The following PRKG1 variants were observed in gnomAD, a reference collection of about 807,000 sequenced individuals.
PRKG1 encodes protein kinase cGMP-dependent 1.
PRKG1 carries 35 observed loss-of-function variants against 88.1 expected under a neutral mutation model. That is an observed-to-expected ratio of 0.40 (90% CI 0.30 to 0.53). PRKG1 has a LOEUF of 0.53. Ranked by LOEUF, PRKG1 falls within the 20% of genes least tolerant of loss-of-function variation. The probability of loss-of-function intolerance (pLI) is 0.59; values close to 1 mark genes in which losing one functional copy is unlikely to be tolerated. For synonymous variants in PRKG1, 303 were observed against 292.5 expected (o/e 1.04, Z -0.37); for missense variants, 540 against 839.8 (o/e 0.64, Z 4.41).
At chr10:51,147,446 A>G (rs1453537551) in intron 1 of PRKG1, among the ~76,000 whole-genome samples, 1 of 152,134 alleles carries the variant, frequency 6.6e-6, no homozygotes, top group African/African-American at 2.4e-5. Context: ...AAGGAAAAAA[A>G]AAACGAAGGA....
chr10:51,361,134 A>G (rs1185766081), intron 2 of PRKG1, among the ~76,000 whole-genome samples: 1 of 151,900 alleles, frequency 6.6e-6, no homozygotes, highest in Admixed American at 6.6e-5. Context: ...AAATGTATAG[A>G]CAATTTTTTG....
chr10:51,265,485 G>T (rs192717960), intron 2 of PRKG1, among the ~76,000 whole-genome samples: 1 of 152,010 alleles, frequency 6.6e-6, no homozygotes, highest in Non-Finnish European at 1.5e-5. Flanking sequence ...GCTAAATCTG[G>T]CAACCCCCTT....
chr10:51,999,968 A>C (rs545061881), intron 5 of PRKG1, among the ~76,000 whole-genome samples: 41 of 152,262 alleles, frequency 2.7e-4, no homozygotes, highest in Non-Finnish European at 4.7e-4. Flanking sequence ...ATATTAGTCC[A>C]ATAAAAGGTT....
At chr10:51,288,656 A>G (rs1463771747) in intron 2 of PRKG1, among the ~76,000 whole-genome samples, 1 of 152,198 alleles carries the variant, frequency 6.6e-6, no homozygotes, top group Non-Finnish European at 1.5e-5. Flanking sequence ...AAAATATTTA[A>G]CTGCTTATAC....
chr10:52,040,690 C>T (rs1845733452), intron 5 of PRKG1, among the ~76,000 whole-genome samples: 1 of 152,128 alleles, frequency 6.6e-6, no homozygotes, highest in South Asian at 2.1e-4. Context: ...GCTAATTGCT[C>T]TGGCTAGGAC....
chr10:52,062,321 A>G (rs1266165301), intron 6 of PRKG1, among the ~76,000 whole-genome samples: 1 of 152,208 alleles, frequency 6.6e-6, no homozygotes, highest in African/African-American at 2.4e-5. Flanking sequence ...TCTTTAAAAT[A>G]ACTTGAAAGG....
chr10:52,076,514 G>A (rs1298189654), intron 7 of PRKG1, among the ~76,000 whole-genome samples: 1 of 152,198 alleles, frequency 6.6e-6, no homozygotes, highest in Non-Finnish European at 1.5e-5. Context: ...CTGAGACCAT[G>A]CCACTGCACT....
intron 7 of PRKG1, among the ~76,000 whole-genome samples, chr10:52,112,806 T>A (rs533307303): frequency 6.6e-6 from 1 of 152,240 alleles, no homozygotes; most frequent in East Asian, 1.9e-4. Context: ...TATCAAAGGC[T>A]CACCTGATAA....
chr10:51,976,059 A>T (rs1843824845), intron 5 of PRKG1, among the ~76,000 whole-genome samples: 1 of 152,078 alleles, frequency 6.6e-6, no homozygotes, highest in Non-Finnish European at 1.5e-5. Flanking sequence ...TCAAAACTGC[A>T]GTAAGATACC....
intron 2 of PRKG1, among the ~76,000 whole-genome samples, chr10:51,233,052 T>TG (rs1200248250): frequency 6.6e-6 from 1 of 152,156 alleles, no homozygotes; most frequent in African/African-American, 2.4e-5. Flanking sequence ...GCTGTGTAGG[T>TG]GACCATGCTG....
intron 5 of PRKG1, among the ~76,000 whole-genome samples, chr10:52,004,168 T>A (rs955584707): frequency 6.6e-6 from 1 of 152,226 alleles, no homozygotes; most frequent in African/African-American, 2.4e-5. Flanking sequence ...CTATTCAAAA[T>A]GATATTCTCC....
At chr10:51,712,311 A>G (rs955290096) in intron 3 of PRKG1, among the ~76,000 whole-genome samples, 1 of 152,178 alleles carries the variant, frequency 6.6e-6, no homozygotes, top group African/African-American at 2.4e-5. Flanking sequence ...AAGATCAGAA[A>G]GTCCTTACTA....
chr10:51,564,463 G>A (rs1230939007), intron 3 of PRKG1, among the ~76,000 whole-genome samples: 2 of 152,022 alleles, frequency 1.3e-5, no homozygotes, highest in Non-Finnish European at 2.9e-5. Flanking sequence ...TTAAGGAGAT[G>A]AGGGAGTGAG....
intron 3 of PRKG1, among the ~76,000 whole-genome samples, chr10:51,771,732 A>G (rs775808082): frequency 6.6e-6 from 1 of 152,192 alleles, no homozygotes; most frequent in Non-Finnish European, 1.5e-5. Context: ...CTGTTATCAC[A>G]TAAATTGCTG....
At chr10:51,243,638 A>G (rs541898099) in intron 2 of PRKG1, among the ~76,000 whole-genome samples, 34 of 152,122 alleles carry the variant, frequency 2.2e-4, no homozygotes, top group Non-Finnish European at 3.8e-4. Context: ...ATCTTTCCTG[A>G]TGTAATCCAT....
At chr10:51,877,901 A>C (rs1841338923) in intron 4 of PRKG1, among the ~76,000 whole-genome samples, 1 of 152,192 alleles carries the variant, frequency 6.6e-6, no homozygotes, top group Non-Finnish European at 1.5e-5. Flanking sequence ...AATTAGGCCA[A>C]CTTAGCACAC....
intron 2 of PRKG1, among the ~76,000 whole-genome samples, chr10:51,347,374 TA>T (rs1372005396): frequency 6.6e-6 from 1 of 152,198 alleles, no homozygotes; most frequent in Non-Finnish European, 1.5e-5. Flanking sequence ...TAGGTATCAA[TA>T]GACTATGTAC....
intron 2 of PRKG1, among the ~76,000 whole-genome samples, chr10:51,396,699 G>A (rs293228): frequency 0.83 from 126,309 of 152,216 alleles, 52,886 homozygotes; most frequent in African/African-American, 0.87. Context: ...TAACATTCAC[G>A]TGGAGATGTT....
At chr10:51,550,175 T>A (rs796847691) in intron 3 of PRKG1, among the ~76,000 whole-genome samples, 2 of 152,118 alleles carry the variant, frequency 1.3e-5, no homozygotes, top group Non-Finnish European at 2.9e-5. Context: ...TGTTACCTTA[T>A]TGAATGTGAA....
Sources: allele counts gnomAD v4.1 joint callset (sites outside exome capture counted in the v4.1 genomes callset), GRCh38; gene constraint gnomAD v4.1.1; transcripts MANE v1.5; gene names NCBI Gene and HGNC (gene_info 2026-07-23, HGNC 2026-07-21).